SLC23A2: variants seen among roughly 807,000 people sequenced by gnomAD.
SLC23A2 encodes the protein solute carrier family 23 member 2, also known as Na(+)/L-ascorbic acid transporter 2.
In SLC23A2, 36 loss-of-function variants were observed where a neutral mutation model predicts 73.3. That is an observed-to-expected ratio of 0.49 (90% confidence interval 0.38 to 0.65). The LOEUF (loss-of-function observed/expected upper bound fraction) is 0.65. Among genes scored for constraint, SLC23A2 ranks in the 30% least tolerant of loss-of-function variants. The probability of loss-of-function intolerance (pLI) is 0.00; values close to 1 mark genes in which losing one functional copy is unlikely to be tolerated. For missense variants in SLC23A2, 507 were observed against 841.6 expected, an observed-to-expected ratio of 0.60 and a Z score of 4.92; for synonymous variants, 343 against 327.3, an observed-to-expected ratio of 1.05 and a Z score of -0.52.
chr20:4,857,315 CACACA>C lies in SLC23A2; in HGVS notation c.1721-116_1721-112del. ...ACACACACACACACACACACACACA[CACACA>C]CACACACACACACACATGGTCCCAC... On this transcript the variant is annotated intron_variant, in intron 16 of 16. Transcript: ENST00000338244. This position sits in a 1 kb window ranked among gnomAD's most constrained non-coding sequence, Gnocchi z 4.0. 1 of 599,298 alleles carries C rather than the reference CACACA, an allele frequency of 1.7e-6. No individual in the cohort carries two copies. Among genetic ancestry groups the C allele is most frequent in the South Asian group, 2.1e-5 (1 of 47,788 alleles). The allele number at this position is 599,298 out of a possible 1,614,324, so 37.1% of individuals were successfully genotyped here.
At chr20:5,005,036 T>TAAAA (rs1555810772), upstream of SLC23A2, among the ~76,000 whole-genome samples, 7 of 150,038 alleles carry the variant, frequency 4.7e-5, no homozygotes, top group African/African-American at 9.8e-5. Flanking sequence ...AATAAATAAA[T>TAAAA]AAAAATTTAA....
intron 2 of SLC23A2, among the ~76,000 whole-genome samples, chr20:4,950,905 G>A: frequency 6.6e-6 from 1 of 152,318 alleles, no homozygotes; most frequent in East Asian, 1.9e-4. Flanking sequence ...GAGGAGCTCA[G>A]CAGTGGGATA....
At chr20:4,874,218 C>CTTG in intron 10 of SLC23A2, 126 bp from the exon 11 acceptor site, 1 of 706,516 alleles carries the variant, frequency 1.4e-6, no homozygotes. Context: ...TGCAGACCTT[C>CTTG]CTTGAATGGA....
At chr20:4,886,009 C>G in intron 6 of SLC23A2, 100 bp from the exon 7 acceptor site, 1 of 691,228 alleles carries the variant, frequency 1.4e-6, no homozygotes, top group South Asian at 1.9e-5. Context: ...ACATACAGCA[C>G]ATGAGTAAAT....
At chr20:4,966,308 G>T (rs767118092) in intron 2 of SLC23A2, among the ~76,000 whole-genome samples, 2 of 152,118 alleles carry the variant, frequency 1.3e-5, no homozygotes, top group African/African-American at 4.8e-5. Context: ...CCCTGAAATA[G>T]AAGGGGCTTA....
At position 4,872,315 on chromosome 20, in the gene SLC23A2, C is replaced by G. The variant is rs1035307882; in HGVS notation, c.1102+1621G>C. The stretch of plus-strand genomic sequence containing the variant: ...TATATCCCTGGAGGTGGCTTTCTAG[C>G]TATGGAGCTCTGGTACCCCACCAGC... On this transcript the variant is annotated intron_variant, in intron 11 of 16. Transcript: ENST00000338244. The surrounding 1 kb of genome is among the most constrained non-coding windows in gnomAD (Gnocchi z 4.4). 6.8e-6 allele frequency among the ~76,000 whole-genome samples: 1 copy of G among 147,682 alleles called. No homozygotes were observed. Among genetic ancestry groups the G allele is most frequent in the Non-Finnish European group, 1.5e-5 (1 of 66,830 alleles).
rs972988565 is a variant in SLC23A2 at position 4,998,923 on chromosome 20, G to C, written c.-282+2483C>G. ...AGGTTCAAGCGATTCTCCTGCCTCA[G>C]CCTCCTGAGTAGCCGGAAATACAGG... is the stretch of plus-strand genomic sequence containing the variant. On this transcript the variant is annotated intron_variant, in intron 1 of 16. Coordinates refer to ENST00000338244, the MANE Select transcript of SLC23A2 (RefSeq NM_005116.6). The surrounding 1 kb of genome is among the most constrained non-coding windows in gnomAD (Gnocchi z 4.1). Among the ~76,000 whole-genome samples, 4 of 151,522 alleles carry C rather than the reference G, an allele frequency of 2.6e-5. No homozygotes were observed. The highest frequency in any genetic ancestry group is 1.9e-4 in the East Asian group (1 of 5,140).
upstream of SLC23A2, among the ~76,000 whole-genome samples, chr20:5,002,766 C>T (rs1387291737): frequency 6.6e-6 from 1 of 152,222 alleles, no homozygotes; most frequent in Non-Finnish European, 1.5e-5. Flanking sequence ...AGGTCTCACT[C>T]TGTCACCCAG....
At chr20:4,952,802 A>G (rs1051234761) in intron 2 of SLC23A2, among the ~76,000 whole-genome samples, 1 of 152,182 alleles carries the variant, frequency 6.6e-6, no homozygotes, top group African/African-American at 2.4e-5. Context: ...AGGCAGGTGG[A>G]TCACGAGGTC....
At chr20:4,953,933 A>G (rs1008476598) in intron 2 of SLC23A2, among the ~76,000 whole-genome samples, 3 of 152,086 alleles carry the variant, frequency 2.0e-5, no homozygotes, top group Non-Finnish European at 4.4e-5. Context: ...CCCAAGATAG[A>G]CCTTAAAGTG....
chr20:4,895,312 C>T (rs968361811), intron 6 of SLC23A2, among the ~76,000 whole-genome samples: 1 of 152,188 alleles, frequency 6.6e-6, no homozygotes, highest in African/African-American at 2.4e-5. Context: ...CCTGCACGCC[C>T]GGCTGCATCT....
intron 2 of SLC23A2, among the ~76,000 whole-genome samples, chr20:4,959,374 T>A (rs1004812934): frequency 2.0e-5 from 3 of 152,214 alleles, no homozygotes; most frequent in African/African-American, 7.2e-5. Flanking sequence ...GGTCATTTCT[T>A]ATCAAGTTAA....
intron 9 of SLC23A2, among the ~76,000 whole-genome samples, chr20:4,881,780 T>C (rs2089879598): frequency 6.6e-6 from 1 of 152,264 alleles, no homozygotes; most frequent in African/African-American, 2.4e-5. Context: ...AGAACACCTC[T>C]GGCTACTAAG....
rs138994546 is a variant in SLC23A2 at position 4,905,347 on chromosome 20, C to T, written c.208-2789G>A. 6.9e-3 allele frequency among the ~76,000 whole-genome samples: 1,046 copies of T among 152,218 alleles called. 14 individuals are homozygous for T. Among genetic ancestry groups the T allele is most frequent in the African/African-American group, 0.024 (993 of 41,530 alleles). ...ACACTGTGAGGCAGACGCTGTGCCC[C>T]CCCTCCTGATGACAGAAGGACCACT... On this transcript the variant is annotated intron_variant, in intron 4 of 16. Coordinates refer to ENST00000338244, the MANE Select transcript of SLC23A2 (RefSeq NM_005116.6).
rs1198766093 is a variant in SLC23A2, at chr20:4,902,764, T to TG, written c.208-207dup. ...ACCGGGATGGTCAATCCTCAGAATT[T>TG]GGGGGGTCAGCGTCCTTGGGCAACA... On this transcript the variant is annotated intron_variant, in intron 4 of 16. Transcript: ENST00000338244. This position sits in a 1 kb window ranked among gnomAD's most constrained non-coding sequence, Gnocchi z 4.0. Among the ~76,000 whole-genome samples, 1 of 152,030 alleles carries TG rather than the reference T, an allele frequency of 6.6e-6. No individual in the cohort carries two copies. The highest frequency in any genetic ancestry group is 1.5e-5 in the Non-Finnish European group (1 of 67,992).
intron 1 of SLC23A2, among the ~76,000 whole-genome samples, chr20:5,009,980 A>G (rs2088231956): frequency 6.6e-6 from 1 of 151,792 alleles, no homozygotes; most frequent in Non-Finnish European, 1.5e-5. Context: ...CTGTAGTCCC[A>G]GCTACTTGGG....
chr20:4,894,270 A>G (rs1486198303), intron 6 of SLC23A2, among the ~76,000 whole-genome samples: 1 of 152,110 alleles, frequency 6.6e-6, no homozygotes, highest in African/African-American at 2.4e-5. Context: ...GGGAGAGGGA[A>G]TGCCATGAGG....
At chr20:4,882,587 T>C (rs6107547) in intron 9 of SLC23A2, among the ~76,000 whole-genome samples, 6,254 of 152,242 alleles carry the variant, frequency 0.041, 425 homozygotes, top group African/African-American at 0.14. Flanking sequence ...GTATGATGGG[T>C]TCGGGCCCAT....
chr20:4,966,069 T>C (rs1167787242), intron 2 of SLC23A2, among the ~76,000 whole-genome samples: 2 of 151,236 alleles, frequency 1.3e-5, no homozygotes, highest in Non-Finnish European at 2.9e-5. Context: ...CCCTGTCCCC[T>C]CCAAAAAAAT....
Sources: gnomAD v4.1 joint callset for allele counts (sites outside exome capture counted in the v4.1 genomes callset) on GRCh38, gnomAD v4.1.1 for gene constraint, Gnocchi (gnomAD v3.1) non-coding constraint, MANE v1.5 for transcripts, NCBI Gene and HGNC (gene_info 2026-07-23, HGNC 2026-07-21) for gene names.